INTS7: variants seen among roughly 807,000 people sequenced by gnomAD.
INTS7 encodes integrator complex subunit 7.
Under a neutral mutation model 109.2 loss-of-function variants are expected in INTS7, and 46 were observed. The observed-to-expected ratio is 0.42, with a 90% confidence interval of 0.33 to 0.54. The LOEUF (loss-of-function observed/expected upper bound fraction) is 0.54. Ranked by LOEUF, INTS7 falls within the 20% of genes least tolerant of loss-of-function variation. The pLI is 0.07. For synonymous variants in INTS7, 412 were observed against 402.9 expected (o/e 1.02, Z -0.27); for missense variants, 929 against 1,132.4 (o/e 0.82, Z 2.58).
intron 16 of INTS7, among the ~76,000 whole-genome samples, chr1:211,964,441 G>A (rs1019890585): frequency 3.3e-5 from 5 of 152,094 alleles, no homozygotes; most frequent in African/African-American, 9.7e-5. Context: ...AACTGCCAAC[G>A]ACATTCTTCG....
chr1:212,033,998 G>A (rs1322036437), intron 1 of INTS7, among the ~76,000 whole-genome samples: 5 of 152,046 alleles, frequency 3.3e-5, no homozygotes, highest in African/African-American at 9.7e-5. Context: ...CAGGAGAACC[G>A]TTTGAACTCG....
chr1:211,966,385 T>C (rs745398300), intron 16 of INTS7, 45 bp downstream of exon 16: 2 of 1,060,228 alleles, frequency 1.9e-6, no homozygotes, highest in East Asian at 2.4e-5. Flanking sequence ...AGACAATGTA[T>C]AGAAAGTGTT....
intron 1 of INTS7, chr1:212,030,674 T>C (rs932560426): frequency 6.6e-6 from 1 of 152,238 alleles, no homozygotes; most frequent in African/African-American, 2.4e-5. Context: ...GAGAAAGAAT[T>C]TGACTCAGTG....
intron 16 of INTS7, 104 bp from the exon 17 acceptor site, chr1:211,952,805 AATG>A (rs1302991284): frequency 3.6e-6 from 4 of 1,108,174 alleles, no homozygotes; most frequent in Non-Finnish European, 5.1e-6. Context: ...TTTTTAAAAT[AATG>A]AAGTTATTTC....
chr1:211,966,824 G>C (rs752108486), intron 15 of INTS7, among the ~76,000 whole-genome samples: 2 of 151,616 alleles, frequency 1.3e-5, no homozygotes, highest in South Asian at 4.2e-4. Context: ...AAGAGTTTGA[G>C]ACAAACAAGC....
intron 16 of INTS7, among the ~76,000 whole-genome samples, chr1:211,956,324 A>T (rs1318509290): frequency 2.0e-5 from 3 of 152,130 alleles, no homozygotes; most frequent in African/African-American, 7.2e-5. Context: ...TTGACACTTT[A>T]GTTTTTCTTA....
At chr1:212,021,867 C>T (rs1036308445) in intron 1 of INTS7, among the ~76,000 whole-genome samples, 1 of 151,392 alleles carries the variant, frequency 6.6e-6, no homozygotes, top group Admixed American at 6.6e-5. Context: ...TTTTTAATAA[C>T]AAATAAATAA....
chr1:211,988,399 G>A (rs1340026409), intron 7 of INTS7, among the ~76,000 whole-genome samples: 1 of 151,416 alleles, frequency 6.6e-6, no homozygotes, highest in East Asian at 1.9e-4. Context: ...TCCAGCCTGG[G>A]GGACAGAGCA....
At chr1:211,955,562 C>T (rs939439858) in intron 16 of INTS7, among the ~76,000 whole-genome samples, 1 of 151,982 alleles carries the variant, frequency 6.6e-6, no homozygotes, top group Middle Eastern at 3.2e-3. Flanking sequence ...TTTTGAGATA[C>T]ATCCCATCAA....
chr1:211,966,241 T>G (rs1663872200), intron 16 of INTS7, 189 bp downstream of exon 16: 1 of 399,126 alleles, frequency 2.5e-6, no homozygotes, highest in African/African-American at 2.0e-5. Flanking sequence ...GTTAACTTTT[T>G]GAAAACAGGA....
chr1:211,966,160 C>T (rs930388716), intron 16 of INTS7: 18 of 213,974 alleles, frequency 8.4e-5, no homozygotes, highest in South Asian at 3.2e-4. Flanking sequence ...CTCAATTTTT[C>T]GTAGTATAAT....
At chr1:211,967,736 T>C (rs1663963587) in intron 15 of INTS7, 142 bp downstream of exon 15, 2 of 561,664 alleles carry the variant, frequency 3.6e-6, no homozygotes, top group Non-Finnish European at 6.2e-6. Context: ...TTATTCTGCT[T>C]ATATATTTTA....
At chr1:211,960,440 G>C (rs951872768) in intron 16 of INTS7, among the ~76,000 whole-genome samples, 2 of 152,124 alleles carry the variant, frequency 1.3e-5, no homozygotes, top group Non-Finnish European at 2.9e-5. Context: ...TCCAGCAAGC[G>C]TTCTGAACTG....
chr1:211,943,534 A>T (rs1662720658), intron 19 of INTS7, among the ~76,000 whole-genome samples: 1 of 152,170 alleles, frequency 6.6e-6, no homozygotes, highest in Admixed American at 6.5e-5. Context: ...TAATTTTTTC[A>T]TCATTCACAA....
At chr1:212,022,835 A>G (rs1666767630) in intron 1 of INTS7, among the ~76,000 whole-genome samples, 1 of 152,160 alleles carries the variant, frequency 6.6e-6, no homozygotes, top group Non-Finnish European at 1.5e-5. Flanking sequence ...GGTACGCATG[A>G]TCCCATTACC....
At chr1:211,949,283 T>C (rs536019504) in intron 17 of INTS7, among the ~76,000 whole-genome samples, 1 of 152,240 alleles carries the variant, frequency 6.6e-6, no homozygotes, top group African/African-American at 2.4e-5. Context: ...TATGTGCAGA[T>C]GACCTTATAT....
At chr1:212,023,659 C>T (rs1026066680) in intron 1 of INTS7, among the ~76,000 whole-genome samples, 1 of 152,116 alleles carries the variant, frequency 6.6e-6, no homozygotes, top group African/African-American at 2.4e-5. Context: ...TTGTCACATG[C>T]ATAGTTTGCA....
rs757423084 is a variant in INTS7, at chr1:211,946,705, G to A, written c.2317C>T (p.His773Tyr). The change falls in exon 18 of 20, where the codon CAC becomes TAC. Residue 773 changes from histidine (H) to tyrosine (Y), a missense_variant and splice_region_variant. Transcript: ENST00000366994. The surrounding 1 kb of genome is among the most constrained non-coding windows in gnomAD (Gnocchi z 4.3). ...ATGGCATTGCAGAGGCATGCTGTGTGCTGGGGGAAAAAAGAAACTAAATCA... is the reference window on the plus strand; with the variant it reads ...ATGGCATTGCAGAGGCATGCTGTGTACTGGGGGAAAAAAGAAACTAAATCA... ...NRKYTPVSYM[H>Y]TACLCNAIIA... 16 of 1,597,326 alleles carry A rather than the reference G, an allele frequency of 1.0e-5. No individual in the cohort carries two copies. The Admixed American group carries it at 2.8e-4, about 28-fold the overall frequency.
chr1:212,027,778 G>C (rs948894557), intron 1 of INTS7, among the ~76,000 whole-genome samples: 3 of 152,092 alleles, frequency 2.0e-5, no homozygotes, highest in African/African-American at 7.2e-5. Flanking sequence ...TAAATATATG[G>C]GGCAGAGTCC....
Sources: allele counts gnomAD v4.1 joint callset (sites outside exome capture counted in the v4.1 genomes callset), GRCh38; gene constraint gnomAD v4.1.1; non-coding constraint Gnocchi (gnomAD v3.1); transcripts MANE v1.5; gene names NCBI Gene and HGNC (gene_info 2026-07-23, HGNC 2026-07-21).